IQCM: variants seen among roughly 807,000 people sequenced by gnomAD.
The protein encoded by IQCM is IQ motif containing M, also known as IQ domain-containing protein M.
In IQCM, 45 loss-of-function variants were observed where a neutral mutation model predicts 57.6. That is an observed-to-expected ratio of 0.78 (90% CI 0.62 to 1.00). IQCM has a LOEUF of 1.00. IQCM is among the 50% of genes least tolerant of loss of function. IQCM has a pLI of 0.00. For missense variants in IQCM, 468 were observed against 511.6 expected, an observed-to-expected ratio of 0.91 and a Z score of 0.82; for synonymous variants, 148 against 158.9, an observed-to-expected ratio of 0.93 and a Z score of 0.51.
chr4:149,777,757 T>C (rs895888950), intron 2 of IQCM, among the ~76,000 whole-genome samples: 5 of 152,294 alleles, frequency 3.3e-5, no homozygotes, highest in Non-Finnish European at 5.9e-5. Flanking sequence ...AAAATAAGCA[T>C]TGGAAGACTC....
intron 7 of IQCM, among the ~76,000 whole-genome samples, chr4:149,668,146 T>C (rs1760904117): frequency 6.6e-6 from 1 of 151,856 alleles, no homozygotes; most frequent in Non-Finnish European, 1.5e-5. Context: ...AAAGTTGAAA[T>C]GAAGGAAAAA....
intron 7 of IQCM, among the ~76,000 whole-genome samples, chr4:149,677,708 A>C (rs1250006083): frequency 1.3e-5 from 2 of 151,956 alleles, no homozygotes; most frequent in Non-Finnish European, 2.9e-5. Context: ...GACCCTAATG[A>C]AACAGCAATT....
At chr4:149,687,464 A>C (rs1762628316) in intron 5 of IQCM, among the ~76,000 whole-genome samples, 1 of 151,692 alleles carries the variant, frequency 6.6e-6, no homozygotes, top group Non-Finnish European at 1.5e-5. Context: ...TAGGAAAGCT[A>C]TTTGCATAGA....
chr4:149,481,723 G>GTTTTTTTTTGTTTTTTTTTTTTTTT (rs1740903527), intron 12 of IQCM, among the ~76,000 whole-genome samples: 12 of 9,328 alleles, frequency 1.3e-3, no homozygotes, highest in African/African-American at 3.5e-3. Flanking sequence ...TTTTTTTTTT[G>GTTTTTTTTTGTTTTTTTTTTTTTTT]CTTTTTGCTT....
intron 13 of IQCM, among the ~76,000 whole-genome samples, chr4:149,413,406 C>T (rs150338502): frequency 2.6e-5 from 4 of 152,170 alleles, no homozygotes; most frequent in Non-Finnish European, 5.9e-5. Context: ...AAACCTGTAG[C>T]GGGGAGCAGA....
chr4:149,735,127 T>A (rs990158755), intron 4 of IQCM, among the ~76,000 whole-genome samples: 2 of 152,172 alleles, frequency 1.3e-5, no homozygotes, highest in Admixed American at 6.5e-5. Context: ...TCAAAAAAAA[T>A]TTAAATTGTA....
intron 13 of IQCM, among the ~76,000 whole-genome samples, chr4:149,354,620 C>A (rs911399834): frequency 6.6e-6 from 1 of 151,710 alleles, no homozygotes; most frequent in Admixed American, 6.6e-5. Context: ...GCAAGAGATA[C>A]TTATAATATA....
At chr4:149,603,537 G>T (rs1754502078) in intron 8 of IQCM, among the ~76,000 whole-genome samples, 1 of 151,976 alleles carries the variant, frequency 6.6e-6, no homozygotes, top group South Asian at 2.1e-4. Flanking sequence ...CACAGTTTTG[G>T]GTTTGTGTCC....
At chr4:149,698,881 G>A (rs971836050) in intron 5 of IQCM, among the ~76,000 whole-genome samples, 2 of 151,956 alleles carry the variant, frequency 1.3e-5, no homozygotes, top group African/African-American at 4.8e-5. Flanking sequence ...GCTCAGCTTC[G>A]TCTTTTGTAA....
chr4:149,715,063 T>G (rs1764874604), intron 5 of IQCM, among the ~76,000 whole-genome samples: 1 of 152,206 alleles, frequency 6.6e-6, no homozygotes, highest in South Asian at 2.1e-4. Context: ...AACAAAACCA[T>G]GGATAAGGAG....
intron 13 of IQCM, among the ~76,000 whole-genome samples, chr4:149,356,229 A>C (rs1223533953): frequency 1.3e-5 from 2 of 152,032 alleles, no homozygotes; most frequent in African/African-American, 4.8e-5. Flanking sequence ...CTTTTGCTGT[A>C]CAGAAGCTCT....
intron 10 of IQCM, among the ~76,000 whole-genome samples, chr4:149,562,370 T>C (rs767487286): frequency 3.4e-4 from 52 of 152,216 alleles, no homozygotes; most frequent in Non-Finnish European, 6.0e-4. Context: ...TGGAACCAGT[T>C]GAATATGGGA....
In IQCM at chr4:149,762,063, T is replaced by C. The variant is rs368380246; in HGVS notation, c.-48-19324A>G. Among the ~76,000 whole-genome samples the C allele has an allele frequency of 2.7e-4, 41 of 152,126 alleles. No individual in the cohort carries two copies. In the South Asian group the frequency reaches 3.9e-3, roughly 15 times the overall value. On this transcript the variant is annotated intron_variant, in intron 2 of 13. Coordinates refer to ENST00000636793, the MANE Select transcript of IQCM (RefSeq NM_001363507.2). The stretch of plus-strand genomic sequence containing the variant: ...TAAAGAACTGAAGAATTTATCTCCA[T>C]TGACAAGGCTTAATCATCAATTAGG...
rs1198185371 is a variant in IQCM, at chr4:149,772,855, TTAAACACTTTGTGTA to T, written c.-48-30131_-48-30117del. Among the ~76,000 whole-genome samples the T allele has an allele frequency of 3.3e-5, 5 of 152,234 alleles. No individual in the cohort carries two copies. In the South Asian group the frequency reaches 1.0e-3, roughly 32 times the overall value. On this transcript the variant is annotated intron_variant, in intron 2 of 13. Coordinates refer to ENST00000636793, the MANE Select transcript of IQCM (RefSeq NM_001363507.2). ...GTGAACACTTTGTGGAACATGTTTA[TTAAACACTTTGTGTA>T]TAAACACTTTGTGGAACATGTTTAT... is the stretch of plus-strand genomic sequence containing the variant.
At chr4:149,636,883 C>T (rs1198267509) in intron 7 of IQCM, among the ~76,000 whole-genome samples, 2 of 152,046 alleles carry the variant, frequency 1.3e-5, no homozygotes, top group African/African-American at 4.8e-5. Flanking sequence ...GTGGCTCACG[C>T]CTGTAATCCC....
chr4:149,782,571 A>C (rs2150011664), intron 2 of IQCM, among the ~76,000 whole-genome samples: 1 of 148,778 alleles, frequency 6.7e-6, no homozygotes, highest in Non-Finnish European at 1.5e-5. Flanking sequence ...ACTGCACTCC[A>C]GTCTGGGTGT....
chr4:149,715,038 AG>A (rs1764872999), intron 5 of IQCM, among the ~76,000 whole-genome samples: 1 of 152,248 alleles, frequency 6.6e-6, no homozygotes, highest in Admixed American at 6.5e-5. Context: ...AAGTTCAGAA[AG>A]TGAAACCACA....
intron 12 of IQCM, among the ~76,000 whole-genome samples, chr4:149,508,296 G>T (rs1744041000): frequency 6.6e-6 from 1 of 151,922 alleles, no homozygotes; most frequent in Non-Finnish European, 1.5e-5. Flanking sequence ...CTCCAGAATG[G>T]TAGATCAACT....
intron 7 of IQCM, among the ~76,000 whole-genome samples, chr4:149,623,109 AT>A (rs1224131216): frequency 6.6e-6 from 1 of 152,204 alleles, no homozygotes; most frequent in African/African-American, 2.4e-5. Flanking sequence ...TATACATTAT[AT>A]GTATAAAAAC....
Sources: allele counts gnomAD v4.1 joint callset (sites outside exome capture counted in the v4.1 genomes callset), GRCh38; gene constraint gnomAD v4.1.1; transcripts MANE v1.5; gene names NCBI Gene and HGNC (gene_info 2026-07-23, HGNC 2026-07-21).